ETFA: variants seen among roughly 807,000 people sequenced by gnomAD.
ETFA encodes electron transfer flavoprotein subunit alpha.
A neutral mutation model predicts 46.2 loss-of-function variants in ETFA; 22 were observed. The observed-to-expected ratio is 0.48, with a 90% CI of 0.34 to 0.68. ETFA has a LOEUF of 0.68. ETFA is among the 30% of genes least tolerant of loss of function. The pLI, the probability that ETFA is intolerant of heterozygous loss-of-function variation, is 0.01. For missense variants in ETFA, 345 were observed against 401.1 expected (o/e 0.86, Z 1.19); for synonymous variants, 131 against 139.9 (o/e 0.94, Z 0.45).
At chr15:76,218,556 C>T (rs2038922627) in intron 11 of ETFA, among the ~76,000 whole-genome samples, 1 of 152,214 alleles carries the variant, frequency 6.6e-6, no homozygotes, top group South Asian at 2.1e-4. Flanking sequence ...CAGGCGTGAG[C>T]CACTGCACCC....
At chr15:76,231,251 G>T in intron 10 of ETFA, 82 bp downstream of exon 10, 1 of 869,056 alleles carries the variant, frequency 1.2e-6, no homozygotes, top group Non-Finnish European at 2.0e-6. Flanking sequence ...TACATGCATT[G>T]TAACTACATG....
intron 11 of ETFA, among the ~76,000 whole-genome samples, chr15:76,223,175 C>G (rs1477428609): frequency 6.8e-6 from 1 of 147,204 alleles, no homozygotes; most frequent in Non-Finnish European, 1.5e-5. Context: ...AACTTCTCTA[C>G]TTTTGTATTA....
chr15:76,292,290 GAAT>G, intron 4 of ETFA, 138 bp downstream of exon 4: 1 of 707,700 alleles, frequency 1.4e-6, no homozygotes, highest in Non-Finnish European at 2.6e-6. Flanking sequence ...AATCTTGAAA[GAAT>G]AAATTTTAGC....
intron 8 of ETFA, among the ~76,000 whole-genome samples, chr15:76,281,734 G>A (rs1442377205): frequency 6.6e-6 from 1 of 151,816 alleles, no homozygotes; most frequent in Non-Finnish European, 1.5e-5. Flanking sequence ...TTAAGTGTCT[G>A]TAGTAGGCAA....
intron 1 of ETFA, among the ~76,000 whole-genome samples, chr15:76,306,997 T>C (rs543399060): frequency 3.3e-5 from 5 of 152,332 alleles, no homozygotes; most frequent in South Asian, 4.1e-4. Context: ...TATTCATCAA[T>C]ACTAGACAGA....
chr15:76,228,734 C>G (rs2039030806), intron 10 of ETFA: 1 of 163,858 alleles, frequency 6.1e-6, no homozygotes, highest in Non-Finnish European at 1.3e-5. Context: ...TTGTATTCAA[C>G]CATATTATTA....
chr15:76,290,957 T>G (rs527268687), intron 4 of ETFA, among the ~76,000 whole-genome samples: 54 of 152,324 alleles, frequency 3.5e-4, no homozygotes, highest in African/African-American at 1.1e-3. Context: ...GACTTATGTC[T>G]GTAATCCTAG....
intron 9 of ETFA, among the ~76,000 whole-genome samples, chr15:76,237,655 T>C (rs2039140104): frequency 6.6e-6 from 1 of 152,174 alleles, no homozygotes; most frequent in African/African-American, 2.4e-5. Flanking sequence ...AAGATGCACA[T>C]AAAGTACTCA....
At chr15:76,253,874 A>G (rs748816063) in intron 9 of ETFA, among the ~76,000 whole-genome samples, 3 of 152,240 alleles carry the variant, frequency 2.0e-5, no homozygotes, top group African/African-American at 4.8e-5. Context: ...AATGCATTCA[A>G]TTCTGGGCCT....
At chr15:76,231,566 AC>A (rs1186357518) in intron 9 of ETFA, among the ~76,000 whole-genome samples, 168 bp from the exon 10 acceptor site, 6 of 152,230 alleles carry the variant, frequency 3.9e-5, no homozygotes, top group Admixed American at 3.9e-4. Flanking sequence ...TCCTTAACCT[AC>A]AGTTCTCTTT....
In ETFA at chr15:76,243,963, C is replaced by T. The variant is rs533694694; in HGVS notation, c.817-12565G>A. Among the ~76,000 whole-genome samples the T allele has an allele frequency of 9.0e-4, 137 of 152,032 alleles. 1 individual carries two copies. The highest frequency in any genetic ancestry group is 1.4e-3 in the Non-Finnish European group (97 of 67,974). On this transcript the variant is annotated intron_variant, in intron 9 of 11. Coordinates refer to ENST00000557943, the MANE Select transcript of ETFA (RefSeq NM_000126.4). ...GTGCGATGGTGCGATCTCAGCTCAC[C>T]GCAACCTCTGCCTCCCAGGTTCAAG...
intron 11 of ETFA, among the ~76,000 whole-genome samples, chr15:76,220,086 G>C (rs1381036443): frequency 6.6e-6 from 1 of 151,862 alleles, no homozygotes; most frequent in East Asian, 1.9e-4. Flanking sequence ...TTTTTTTTCT[G>C]AGATGGGTTC....
intron 1 of ETFA, among the ~76,000 whole-genome samples, chr15:76,299,744 T>C (rs1395195009): frequency 1.3e-5 from 2 of 152,196 alleles, no homozygotes; most frequent in African/African-American, 4.8e-5. Flanking sequence ...ATTCCTGTCC[T>C]TGCCCTATCA....
chr15:76,278,816 T>C (rs997328841), intron 8 of ETFA, among the ~76,000 whole-genome samples: 2 of 152,172 alleles, frequency 1.3e-5, no homozygotes, highest in African/African-American at 4.8e-5. Flanking sequence ...CACCTGCAGC[T>C]ATGTCCACAT....
At chr15:76,231,798 A>T (rs76505232) in intron 9 of ETFA, among the ~76,000 whole-genome samples, 1,795 of 152,256 alleles carry the variant, frequency 0.012, 40 homozygotes, top group African/African-American at 0.042. Flanking sequence ...AACAACATAC[A>T]CACATTGTAT....
chr15:76,260,476 C>T (rs1260803863), intron 9 of ETFA: 22 of 1,557,664 alleles, frequency 1.4e-5, no homozygotes, highest in South Asian at 7.9e-5. Context: ...TGAGAAGAGA[C>T]CACCAGTGGC....
intron 8 of ETFA, 96 bp downstream of exon 8, chr15:76,283,661 T>C: frequency 1.1e-6 from 1 of 892,112 alleles, no homozygotes; most frequent in Admixed American, 2.3e-5. Flanking sequence ...GTAAAATAAT[T>C]TGTAGGGCTG....
At chr15:76,280,917 CTTTTTT>C (rs35907442) in intron 8 of ETFA, among the ~76,000 whole-genome samples, 7 of 102,064 alleles carry the variant, frequency 6.9e-5, no homozygotes, top group Non-Finnish European at 9.0e-5. Context: ...GTTCAGATGT[CTTTTTT>C]TTTTTTTTTT....
At chr15:76,247,821 G>T (rs1567202538) in intron 9 of ETFA, among the ~76,000 whole-genome samples, 1 of 152,166 alleles carries the variant, frequency 6.6e-6, no homozygotes, top group East Asian at 1.9e-4. Flanking sequence ...GCATAATGCA[G>T]ATTTTTACAT....
Sources: gnomAD v4.1 joint callset for allele counts (sites outside exome capture counted in the v4.1 genomes callset) on GRCh38, gnomAD v4.1.1 for gene constraint, MANE v1.5 for transcripts, NCBI Gene and HGNC (gene_info 2026-07-23, HGNC 2026-07-21) for gene names.